Variants in CNTLN observed in about 807,000 individuals in gnomAD.
CNTLN encodes the protein centlein.
Under a neutral mutation model 180.0 loss-of-function variants are expected in CNTLN, and 212 were observed. The observed-to-expected ratio is 1.18, with a 90% CI of 1.05 to 1.32. CNTLN has a LOEUF of 1.32. Ranked by LOEUF, CNTLN falls within the 40% of genes most tolerant of loss-of-function variation. The pLI, the probability that CNTLN is intolerant of heterozygous loss-of-function variation, is 0.00. For missense variants in CNTLN, 2,095 were observed against 1,610.9 expected (o/e 1.30, Z -5.14); for synonymous variants, 722 against 563.1 (o/e 1.28, Z -3.99).
chr9:17,161,380 C>G (rs1422650241), intron 2 of CNTLN, among the ~76,000 whole-genome samples: 1 of 152,096 alleles, frequency 6.6e-6, no homozygotes, highest in Non-Finnish European at 1.5e-5. Context: ...TAAACTCTCA[C>G]TTTAGATTAT....
intron 2 of CNTLN, among the ~76,000 whole-genome samples, chr9:17,223,770 A>G (rs1402871390): frequency 6.6e-6 from 1 of 151,952 alleles, no homozygotes; most frequent in African/African-American, 2.4e-5. Context: ...TTCTCTGCTC[A>G]TTGCCTTCCC....
intron 22 of CNTLN, 77 bp from the exon 23 acceptor site, chr9:17,466,629 T>G (rs890288006): frequency 2.6e-6 from 3 of 1,136,458 alleles, no homozygotes; most frequent in African/African-American, 3.2e-5. Flanking sequence ...ATATTTTCCT[T>G]ATTTGACATG....
chr9:17,206,478 T>C (rs1334047200), intron 2 of CNTLN, among the ~76,000 whole-genome samples: 2 of 152,208 alleles, frequency 1.3e-5, no homozygotes, highest in African/African-American at 4.8e-5. Flanking sequence ...TTATGTGATA[T>C]ACCTAACAAA....
intron 13 of CNTLN, among the ~76,000 whole-genome samples, chr9:17,375,809 A>G (rs1181185377): frequency 6.6e-6 from 1 of 152,180 alleles, no homozygotes; most frequent in African/African-American, 2.4e-5. Flanking sequence ...GTAACGGGGA[A>G]TGTCTCACTG....
intron 6 of CNTLN, among the ~76,000 whole-genome samples, chr9:17,292,198 G>A (rs1439419538): frequency 6.6e-6 from 1 of 152,054 alleles, no homozygotes; most frequent in African/African-American, 2.4e-5. Context: ...CCCTTTGTAG[G>A]TGATCTCCCC....
At chr9:17,511,999 C>G in the CNTLN span, among the ~76,000 whole-genome samples, 1 of 152,194 alleles carries the variant, frequency 6.6e-6, no homozygotes, top group Non-Finnish European at 1.5e-5. Context: ...TGAGGTCTGT[C>G]ACATAAAGAT....
At chr9:17,397,203 A>G (rs544190304) in intron 15 of CNTLN, among the ~76,000 whole-genome samples, 2 of 152,330 alleles carry the variant, frequency 1.3e-5, no homozygotes, top group Middle Eastern at 3.4e-3. Flanking sequence ...AGAGGTCCCA[A>G]TTCAGACCCC....
chr9:17,281,278 T>G (rs1828644316), intron 6 of CNTLN, among the ~76,000 whole-genome samples: 1 of 151,898 alleles, frequency 6.6e-6, no homozygotes, highest in Non-Finnish European at 1.5e-5. Context: ...ATTTTATTTT[T>G]TAAAAATTAA....
At chr9:17,267,381 G>A (rs1182294213) in intron 5 of CNTLN, among the ~76,000 whole-genome samples, 1 of 152,102 alleles carries the variant, frequency 6.6e-6, no homozygotes. Flanking sequence ...CTCTCTTCTG[G>A]CTTGTAGAGT....
chr9:17,488,086 G>T (rs1393512983), intron 25 of CNTLN, among the ~76,000 whole-genome samples: 1 of 152,074 alleles, frequency 6.6e-6, no homozygotes, highest in Non-Finnish European at 1.5e-5. Flanking sequence ...AATAGAAACT[G>T]ATATTAAATG....
At position 17,441,702 on chromosome 9, in the gene CNTLN, C is replaced by A. The variant is rs551934191; in HGVS notation, c.3115-15822C>A. Among the ~76,000 whole-genome samples, 21 of 151,730 alleles carry A rather than the reference C, an allele frequency of 1.4e-4. No individual in the cohort carries two copies. The South Asian group carries it at 4.4e-3, about 32-fold the overall frequency. ...AGGTAGCAATAGGAAATTTTTTCAC[C>A]ATCAGTAATTAAATATAAATGGATT... is the stretch of plus-strand genomic sequence containing the variant. On this transcript the variant is annotated intron_variant, in intron 18 of 25. Coordinates refer to ENST00000380647, the MANE Select transcript of CNTLN (RefSeq NM_017738.4).
At chr9:17,183,483 GT>G (rs934705333) in intron 2 of CNTLN, among the ~76,000 whole-genome samples, 74 of 145,576 alleles carry the variant, frequency 5.1e-4, no homozygotes, top group Middle Eastern at 3.5e-3. Flanking sequence ...TTTTCTATTT[GT>G]TTTTTTTTTG....
chr9:17,190,484 GC>G (rs1172496822), intron 2 of CNTLN, among the ~76,000 whole-genome samples: 7 of 151,776 alleles, frequency 4.6e-5, no homozygotes, highest in East Asian at 1.9e-4. Context: ...TTTTAACATG[GC>G]TATTAAAATT....
intron 6 of CNTLN, among the ~76,000 whole-genome samples, chr9:17,284,334 A>G (rs1828846022): frequency 6.6e-6 from 1 of 152,162 alleles, no homozygotes. Context: ...TTCGGAAGGA[A>G]TGGTACTAGC....
At chr9:17,472,600 G>A (rs1832092965) in intron 23 of CNTLN, among the ~76,000 whole-genome samples, 2 of 152,076 alleles carry the variant, frequency 1.3e-5, no homozygotes, top group South Asian at 4.2e-4. Flanking sequence ...ATTTGGAAAT[G>A]TATGTGGGTG....
intron 5 of CNTLN, among the ~76,000 whole-genome samples, chr9:17,249,123 T>G (rs1825974493): frequency 6.6e-6 from 1 of 152,154 alleles, no homozygotes; most frequent in Non-Finnish European, 1.5e-5. Flanking sequence ...TTTGCTATTC[T>G]GTTTCTGGGT....
Position 17,215,858 on chromosome 9 carries a change from G to A in CNTLN, c.450-10345G>A, listed in dbSNP as rs1020185906. Among the ~76,000 whole-genome samples, 4 of 152,166 alleles carry A rather than the reference G, an allele frequency of 2.6e-5. 1 individual carries two copies. The highest frequency in any genetic ancestry group is 1.3e-4 in the Admixed American group (2 of 15,278). ...GTGTGGGACCCTCTGAGCCAGGCGCGGGGTATAATCTCCTGGTGTGCCGTA... is the reference window on the plus strand; with the variant it reads ...GTGTGGGACCCTCTGAGCCAGGCGCAGGGTATAATCTCCTGGTGTGCCGTA... On this transcript the variant is annotated intron_variant, in intron 2 of 25. Transcript: ENST00000380647.
At chr9:17,520,361 G>A in the CNTLN span, among the ~76,000 whole-genome samples, 2 of 152,194 alleles carry the variant, frequency 1.3e-5, no homozygotes, top group Non-Finnish European at 2.9e-5. Context: ...GCGTGGGGCT[G>A]AACAGCAGGT....
At chr9:17,459,534 T>C (rs1045663204) in intron 19 of CNTLN, among the ~76,000 whole-genome samples, 2 of 151,870 alleles carry the variant, frequency 1.3e-5, no homozygotes, top group Admixed American at 1.3e-4. Flanking sequence ...GTACATAATA[T>C]TGTCTACTAC....
Sources: gnomAD v4.1 joint callset for allele counts (sites outside exome capture counted in the v4.1 genomes callset) on GRCh38, gnomAD v4.1.1 for gene constraint, MANE v1.5 for transcripts, NCBI Gene and HGNC (gene_info 2026-07-23, HGNC 2026-07-21) for gene names.